ASCC3: variants seen among roughly 807,000 people sequenced by gnomAD.
The protein encoded by ASCC3 is ASC-1 complex subunit P200.
In ASCC3, 158 loss-of-function variants were observed where a neutral mutation model predicts 256.3. That is an observed-to-expected ratio of 0.62 (90% CI 0.54 to 0.70). The LOEUF (loss-of-function observed/expected upper bound fraction) is 0.70. ASCC3 is among the 30% of genes least tolerant of loss of function. ASCC3 has a pLI of 0.00. For missense variants in ASCC3, 2,259 were observed against 2,626.0 expected (o/e 0.86, Z 3.05); for synonymous variants, 948 against 883.4 (o/e 1.07, Z -1.30).
chr6:100,848,380 T>A lies in ASCC3; in HGVS notation c.569A>T (p.Lys190Ile), dbSNP rs367908633. 147 of 1,613,772 alleles carry A rather than the reference T, an allele frequency of 9.1e-5. No homozygotes were observed. The highest frequency in any genetic ancestry group is 1.2e-4 in the Non-Finnish European group (140 of 1,179,994). ...CTTCTTATAATCTAGGCTTATAGTT[T>A]TCTGAGTTTCACCATTTATTGGCAG... is the stretch of plus-strand genomic sequence containing the variant. Reference protein sequence around the residue: ...DELPINGETQKTISLDYKKFL... With the variant: ...DELPINGETQITISLDYKKFL... The change falls in exon 4 of 42, where the codon AAA (lysine) becomes ATA (isoleucine). Residue 190 changes from lysine to isoleucine, a missense_variant. Transcript: ENST00000369162.
At chr6:100,591,136 T>C (rs913226078) in intron 34 of ASCC3, among the ~76,000 whole-genome samples, 117 of 152,094 alleles carry the variant, frequency 7.7e-4, no homozygotes, top group Admixed American at 7.5e-3. Flanking sequence ...AATTAAGAGA[T>C]AAATAAGTAC....
At chr6:100,646,839 T>C in intron 21 of ASCC3, 70 bp from the exon 22 acceptor site, 2 of 1,483,456 alleles carry the variant, frequency 1.3e-6, no homozygotes, top group Non-Finnish European at 1.9e-6. Context: ...GACTTGTAAA[T>C]GGGATTTCAG....
chr6:100,715,608 A>G, intron 12 of ASCC3, 75 bp from the exon 13 acceptor site: 1 of 1,261,662 alleles, frequency 7.9e-7, no homozygotes, highest in South Asian at 1.3e-5. Context: ...AAATTTTGCC[A>G]ATTACAATGC....
At chr6:100,783,956 G>A (rs1445360215) in intron 8 of ASCC3, among the ~76,000 whole-genome samples, 1 of 152,056 alleles carries the variant, frequency 6.6e-6, no homozygotes, top group Admixed American at 6.6e-5. Context: ...TTTTAAAGAG[G>A]GGGGAAGTAG....
At chr6:100,608,069 T>TACATATATATGTATATAC (rs1773009096) in intron 30 of ASCC3, among the ~76,000 whole-genome samples, 1 of 92,200 alleles carries the variant, frequency 1.1e-5, no homozygotes, top group Non-Finnish European at 2.1e-5. Context: ...CACATATATA[T>TACATATATATGTATATAC]ACATATATAT....
intron 10 of ASCC3, among the ~76,000 whole-genome samples, chr6:100,758,930 CA>C (rs1198934263): frequency 6.6e-6 from 1 of 152,088 alleles, no homozygotes; most frequent in African/African-American, 2.4e-5. Context: ...TAATAATTGC[CA>C]TTCTGACTGA....
At chr6:100,835,174 T>C (rs1029229259) in intron 4 of ASCC3, among the ~76,000 whole-genome samples, 2 of 152,254 alleles carry the variant, frequency 1.3e-5, no homozygotes, top group African/African-American at 2.4e-5. Context: ...TTTCAAAAAT[T>C]AGAGTTATTC....
chr6:100,725,161 A>C (rs764864144), intron 11 of ASCC3, among the ~76,000 whole-genome samples: 45 of 151,998 alleles, frequency 3.0e-4, no homozygotes, highest in Non-Finnish European at 2.4e-4. Flanking sequence ...GAATCAAGAA[A>C]CTAGAGTTCT....
intron 14 of ASCC3, among the ~76,000 whole-genome samples, chr6:100,668,994 G>C (rs534405976): frequency 6.6e-6 from 1 of 151,468 alleles, no homozygotes; most frequent in South Asian, 2.1e-4. Flanking sequence ...GAGAAAAAAC[G>C]AATATAAATA....
chr6:100,754,022 T>A (rs7747014), intron 10 of ASCC3, among the ~76,000 whole-genome samples: 1 of 151,860 alleles, frequency 6.6e-6, no homozygotes, highest in African/African-American at 2.4e-5. Context: ...TTCAAATTCC[T>A]ACTATTTAAC....
intron 8 of ASCC3, among the ~76,000 whole-genome samples, chr6:100,787,465 A>G (rs527836555): frequency 3.9e-5 from 6 of 152,254 alleles, no homozygotes; most frequent in African/African-American, 1.4e-4. Flanking sequence ...ATCCTCATCA[A>G]ATAATCTATA....
In ASCC3 at chr6:100,848,303, C is replaced by A; in HGVS notation, c.646G>T (p.Glu216Ter). 6.2e-7 allele frequency: 1 copy of A among 1,614,016 alleles called. No homozygotes were observed. The highest frequency in any genetic ancestry group is 8.5e-7 in the Non-Finnish European group (1 of 1,179,980). The change falls in exon 4 of 42, where the codon GAA becomes TAA. Residue 216 changes from glutamate to a stop codon, truncating the protein, a stop_gained. Transcript: ENST00000369162. LOFTEE classifies it high-confidence loss of function. Reference sequence around the variant, plus strand: ...CACAAAAAGGAGCCATTTGTTTTTTCCACAGGCTTGAGTTCTGGGGTGCAA... The same window carrying A: ...CACAAAAAGGAGCCATTTGTTTTTTACACAGGCTTGAGTTCTGGGGTGCAA... ...EACTPELKPV[E>*]KTNGSFLWCE...
At chr6:100,791,103 T>G (rs1769330899) in intron 8 of ASCC3, among the ~76,000 whole-genome samples, 1 of 151,856 alleles carries the variant, frequency 6.6e-6, no homozygotes, top group Non-Finnish European at 1.5e-5. Context: ...TGATAAAAAT[T>G]TCTTATTTAT....
intron 13 of ASCC3, among the ~76,000 whole-genome samples, chr6:100,689,090 T>C (rs1357132526): frequency 1.3e-5 from 2 of 152,184 alleles, no homozygotes; most frequent in African/African-American, 4.8e-5. Context: ...GCTGACTGCA[T>C]CTGTGTAAAT....
At chr6:100,740,228 G>A (rs1233810927) in intron 10 of ASCC3, among the ~76,000 whole-genome samples, 1 of 152,134 alleles carries the variant, frequency 6.6e-6, no homozygotes, top group Admixed American at 6.5e-5. Flanking sequence ...TAATTTCCAT[G>A]TAGTTGTGTG....
chr6:100,779,070 T>C lies in ASCC3; in HGVS notation c.1396-11725A>G, dbSNP rs1431122637. Among the ~76,000 whole-genome samples, 5 of 152,264 alleles carry C rather than the reference T, an allele frequency of 3.3e-5. No homozygotes were observed. The East Asian group carries it at 7.7e-4, about 24-fold the overall frequency. On this transcript the variant is annotated intron_variant, in intron 8 of 41. Coordinates refer to ENST00000369162, the MANE Select transcript of ASCC3 (RefSeq NM_006828.4). ...AACATAAAAGATGAACATTGCAAGA[T>C]ATACAGCTATGATAAGCTTTCAGCT...
Position 100,679,538 on chromosome 6 carries a change from A to G in ASCC3, c.2286+80T>C, listed in dbSNP as rs1777184916. 8.2e-6 allele frequency: 13 copies of G among 1,589,990 alleles called. No individual in the cohort carries two copies. In the East Asian group the frequency reaches 2.5e-4, roughly 30 times the overall value. ...CAAAATTAACTTCTTGGAAATTGAG[A>G]CCGTGGATCTTTCACATATAAAATA... On this transcript the variant is annotated intron_variant, in intron 14 of 41. Coordinates refer to ENST00000369162, the MANE Select transcript of ASCC3 (RefSeq NM_006828.4).
intron 14 of ASCC3, among the ~76,000 whole-genome samples, chr6:100,670,472 TGTAA>T (rs1292930460): frequency 6.6e-6 from 1 of 151,818 alleles, no homozygotes; most frequent in East Asian, 1.9e-4. Flanking sequence ...CCTAATACAA[TGTAA>T]GTGTTATATA....
chr6:100,674,965 T>A (rs917439167), intron 14 of ASCC3, among the ~76,000 whole-genome samples: 3 of 152,066 alleles, frequency 2.0e-5, no homozygotes, highest in African/African-American at 7.2e-5. Flanking sequence ...TCATTGCCAC[T>A]TTGTATGTGA....
Sources: gnomAD v4.1 joint callset for allele counts (sites outside exome capture counted in the v4.1 genomes callset) on GRCh38, gnomAD v4.1.1 for gene constraint, MANE v1.5 for transcripts, NCBI Gene and HGNC (gene_info 2026-07-23, HGNC 2026-07-21) for gene names.